The following MCF2L2 variants were observed in gnomAD, a reference collection of about 807,000 sequenced individuals.
MCF2L2 encodes the protein MCF.2 cell line derived transforming sequence-like 2, also known as probable guanine nucleotide exchange factor MCF2L2.
Under a neutral mutation model 150.2 loss-of-function variants are expected in MCF2L2, and 102 were observed. The ratio of observed to expected loss-of-function variants is 0.68; its 90% CI spans 0.58 to 0.80. MCF2L2 has a LOEUF of 0.80. Among genes scored for constraint, MCF2L2 ranks in the 30% least tolerant of loss-of-function variants. The pLI is 0.00. For missense variants in MCF2L2, 1,256 were observed against 1,372.8 expected (o/e 0.91, Z 1.34); for synonymous variants, 465 against 491.3 (o/e 0.95, Z 0.71).
At chr3:183,383,623 T>C (rs77546164) in intron 2 of MCF2L2, among the ~76,000 whole-genome samples, 7,636 of 152,212 alleles carry the variant, frequency 0.05, 671 homozygotes, top group African/African-American at 0.18. Flanking sequence ...CATCACATTT[T>C]TGGTGACTCC....
At chr3:183,299,099 G>A (rs1728708555) in intron 11 of MCF2L2, 2 of 152,498 alleles carry the variant, frequency 1.3e-5, no homozygotes, top group Middle Eastern at 3.4e-3. Context: ...CCTGCTGACT[G>A]GGAACATACC....
intron 15 of MCF2L2, among the ~76,000 whole-genome samples, chr3:183,231,459 T>G (rs1723555564): frequency 6.6e-6 from 1 of 150,770 alleles, no homozygotes; most frequent in Non-Finnish European, 1.5e-5. Context: ...CATCAAGCTT[T>G]CTTTTCCTTT....
chr3:183,317,517 A>G (rs1231744016), intron 7 of MCF2L2, among the ~76,000 whole-genome samples: 1 of 152,128 alleles, frequency 6.6e-6, no homozygotes, highest in Admixed American at 6.5e-5. Flanking sequence ...CTGACCTTCA[A>G]CTCAGGACAG....
intron 1 of MCF2L2, among the ~76,000 whole-genome samples, chr3:183,414,367 T>C (rs1234439983): frequency 1.3e-5 from 2 of 152,212 alleles, no homozygotes; most frequent in Non-Finnish European, 2.9e-5. Flanking sequence ...TGTTGGCATA[T>C]AGTTATTCGT....
chr3:183,354,693 T>G (rs1380000222), intron 3 of MCF2L2, among the ~76,000 whole-genome samples: 1 of 152,212 alleles, frequency 6.6e-6, no homozygotes, highest in African/African-American at 2.4e-5. Flanking sequence ...TTGATTGTTG[T>G]TTGCCTGTAA....
intron 14 of MCF2L2, among the ~76,000 whole-genome samples, chr3:183,285,546 T>C (rs1321811119): frequency 6.6e-6 from 1 of 152,194 alleles, no homozygotes; most frequent in Non-Finnish European, 1.5e-5. Flanking sequence ...GGACTAGGGA[T>C]GGACTCAGGT....
intron 3 of MCF2L2, among the ~76,000 whole-genome samples, chr3:183,355,473 AGTCTCGCTCT>A (rs1711709938): frequency 1.3e-5 from 2 of 149,890 alleles, no homozygotes; most frequent in South Asian, 4.2e-4. Flanking sequence ...TTTGAGACGG[AGTCTCGCTCT>A]GTCGCATAGG....
chr3:183,301,668 G>A (rs1357284755), intron 10 of MCF2L2, among the ~76,000 whole-genome samples: 4 of 151,998 alleles, frequency 2.6e-5, no homozygotes, highest in East Asian at 1.9e-4. Context: ...GGCAGCATGC[G>A]CCGATAGTCC....
intron 11 of MCF2L2, chr3:183,299,764 A>G: frequency 2.2e-6 from 1 of 461,752 alleles, no homozygotes; most frequent in Non-Finnish European, 3.8e-6. Flanking sequence ...CCACACAGAT[A>G]GAAATGGGCT....
intron 1 of MCF2L2, among the ~76,000 whole-genome samples, chr3:183,413,698 C>T (rs1005162047): frequency 2.6e-5 from 4 of 152,220 alleles, no homozygotes; most frequent in African/African-American, 9.6e-5. Context: ...GGGCTGCCTC[C>T]TCTGCTTTTG....
chr3:183,316,495 C>T (rs1029719295), intron 7 of MCF2L2, among the ~76,000 whole-genome samples: 3 of 151,586 alleles, frequency 2.0e-5, no homozygotes, highest in Admixed American at 1.3e-4. Context: ...CAGGTGCCTG[C>T]CACCATGCCC....
At chr3:183,271,970 T>C (rs1011014153) in intron 15 of MCF2L2, 7 of 231,308 alleles carry the variant, frequency 3.0e-5, no homozygotes, top group Admixed American at 2.0e-4. Context: ...CCACAGCACT[T>C]TGTTCCAAGT....
chr3:183,220,779 A>C (rs1227957256), intron 20 of MCF2L2, among the ~76,000 whole-genome samples: 2 of 152,236 alleles, frequency 1.3e-5, no homozygotes, highest in Non-Finnish European at 2.9e-5. Context: ...CTAGAGGTGT[A>C]GAACTTTTTT....
intron 6 of MCF2L2, 140 bp downstream of exon 6, chr3:183,323,095 C>T: frequency 1.7e-6 from 1 of 580,558 alleles, no homozygotes; most frequent in Non-Finnish European, 3.2e-6. Context: ...TTCTTCCCCA[C>T]CCTGTGGCTG....
intron 3 of MCF2L2, among the ~76,000 whole-genome samples, chr3:183,368,547 C>T (rs7638843): frequency 0.025 from 3,803 of 152,058 alleles, 174 homozygotes; most frequent in African/African-American, 0.086. Flanking sequence ...GCAAATCACT[C>T]GAGGTCAGGA....
chr3:183,327,274 G>A (rs1475406307), intron 5 of MCF2L2, among the ~76,000 whole-genome samples: 3 of 151,936 alleles, frequency 2.0e-5, no homozygotes, highest in South Asian at 2.1e-4. Flanking sequence ...GCAGTGAGCC[G>A]AGAGAGCACC....
At chr3:183,423,322 T>C (rs1461507546) in intron 1 of MCF2L2, among the ~76,000 whole-genome samples, 1 of 152,208 alleles carries the variant, frequency 6.6e-6, no homozygotes. Flanking sequence ...TCTGGCTGCA[T>C]GTTATCAATG....
In MCF2L2 at chr3:183,297,107, G is replaced by A. The variant is rs778229960; in HGVS notation, c.1366C>T (p.Gln456Ter). Residue 456 changes from glutamine (Q) to a stop codon, truncating the protein, a stop_gained, in exon 12 of 30, where the codon CAG becomes TAG. Transcript: ENST00000328913. LOFTEE classifies it high-confidence loss of function. ...GCGATATCAACCCCTTCTCGAGACT[G>A]GCACTTGTCTACAGCTTGGGAAGCC... ...LLASQAVDKC[Q>*]SREGVDIALN... 2 of 1,614,010 alleles carry A rather than the reference G, an allele frequency of 1.2e-6. No homozygotes were observed. The highest frequency in any genetic ancestry group is 1.7e-6 in the Non-Finnish European group (2 of 1,180,034).
intron 20 of MCF2L2, 58 bp from the exon 21 acceptor site, chr3:183,219,982 G>T: frequency 8.0e-7 from 1 of 1,257,824 alleles, no homozygotes; most frequent in Non-Finnish European, 1.2e-6. Flanking sequence ...TCAAAATGTA[G>T]ATTGTCAACA....
Sources: allele counts gnomAD v4.1 joint callset (sites outside exome capture counted in the v4.1 genomes callset), GRCh38; gene constraint gnomAD v4.1.1; transcripts MANE v1.5; gene names NCBI Gene and HGNC (gene_info 2026-07-23, HGNC 2026-07-21).